MYO1H: variants seen among roughly 807,000 people sequenced by gnomAD.
The protein encoded by MYO1H is unconventional myosin-Ih.
A neutral mutation model predicts 149.3 loss-of-function variants in MYO1H; 118 were observed. The observed-to-expected ratio is 0.79, with a 90% CI of 0.68 to 0.92. MYO1H has a LOEUF of 0.92. MYO1H is among the 40% of genes least tolerant of loss of function. The probability of loss-of-function intolerance (pLI) is 0.00; values close to 1 mark genes in which losing one functional copy is unlikely to be tolerated. For synonymous variants in MYO1H, 447 were observed against 465.2 expected, an observed-to-expected ratio of 0.96 and a Z score of 0.50; for missense variants, 1,212 against 1,280.7, an observed-to-expected ratio of 0.95 and a Z score of 0.82.
chr12:109,422,161 G>A (rs2135574144), intron 16 of MYO1H, among the ~76,000 whole-genome samples: 1 of 152,302 alleles, frequency 6.6e-6, no homozygotes, highest in Admixed American at 6.5e-5. Flanking sequence ...TATTAAAATA[G>A]TTAACTGTTT....
chr12:109,317,754 C>T, the MYO1H span, among the ~76,000 whole-genome samples: 1 of 152,194 alleles, frequency 6.6e-6, no homozygotes, highest in African/African-American at 2.4e-5. Context: ...TTTGGGACAG[C>T]GTTGGACCAG....
chr12:109,319,821 C>T, the MYO1H span, among the ~76,000 whole-genome samples: 1 of 152,148 alleles, frequency 6.6e-6, no homozygotes, highest in African/African-American at 2.4e-5. Flanking sequence ...GCAAAACTAC[C>T]TCCAGATAAT....
At chr12:109,419,894 G>T (rs1871100679) in intron 15 of MYO1H, among the ~76,000 whole-genome samples, 1 of 151,064 alleles carries the variant, frequency 6.6e-6, no homozygotes, top group Non-Finnish European at 1.5e-5. Flanking sequence ...AAAAAAATCT[G>T]GTTTTGCCTT....
chr12:109,392,207 C>A (rs1437454147), intron 2 of MYO1H, among the ~76,000 whole-genome samples: 1 of 152,224 alleles, frequency 6.6e-6, no homozygotes, highest in African/African-American at 2.4e-5. Context: ...AACCCCAATT[C>A]CTCGTGGGAG....
At chr12:109,351,616 C>T (rs1188700407) in intron 1 of MYO1H, among the ~76,000 whole-genome samples, 1 of 152,186 alleles carries the variant, frequency 6.6e-6, no homozygotes. Flanking sequence ...ATGCCTTGCA[C>T]ACAGTAGATG....
intron 1 of MYO1H, among the ~76,000 whole-genome samples, chr12:109,378,213 G>A (rs1332849001): frequency 4.6e-5 from 7 of 152,208 alleles, no homozygotes; most frequent in Non-Finnish European, 1.0e-4. Context: ...ATACCTAAGA[G>A]TGGAACTGCT....
chr12:109,443,653 A>G lies in MYO1H; in HGVS notation c.2824+4A>G. The G allele has an allele frequency of 1.2e-6, 2 of 1,613,682 alleles. No individual in the cohort carries two copies. The highest frequency in any genetic ancestry group is 1.1e-5 in the South Asian group (1 of 91,022). On this transcript the variant is annotated splice_donor_region_variant and intron_variant, in intron 28 of 31. Transcript: ENST00000310903. ...ATAGAGTACTCAGCTCTCAAAGGTA[A>G]GAAGTGGGCAATCTTTAAAACAATG...
At position 109,411,600 on chromosome 12, in the gene MYO1H, C is replaced by T. The variant is rs115185393; in HGVS notation, c.1411-294C>T. Among the ~76,000 whole-genome samples, 4 of 106,732 alleles carry T rather than the reference C, an allele frequency of 3.7e-5. 1 individual carries two copies. Among genetic ancestry groups the T allele is most frequent in the South Asian group, 5.3e-4 (2 of 3,768 alleles). 70.0% of individuals were successfully genotyped at this position (106,732 alleles called of 152,430 possible). A position where few individuals can be genotyped will look rare whatever the true frequency, so the allele number is the denominator to read the frequency against. On this transcript the variant is annotated intron_variant, in intron 13 of 31. Transcript: ENST00000310903. ...TCAGTGATGACTGGTTTAGAGAAAA[C>T]GAGGTTGGTCATAGTAGCTGTGTGG...
intron 1 of MYO1H, among the ~76,000 whole-genome samples, chr12:109,369,767 A>G (rs938576009): frequency 3.5e-4 from 54 of 152,300 alleles, no homozygotes; most frequent in Middle Eastern, 3.4e-3. Context: ...TCACTTCTCC[A>G]TGACAAAATG....
chr12:109,337,550 T>A, the MYO1H span, among the ~76,000 whole-genome samples: 358 of 152,056 alleles, frequency 2.4e-3, 2 homozygotes, highest in African/African-American at 8.2e-3. Flanking sequence ...AGGCAAGAGA[T>A]CATGTGCAGG....
chr12:109,388,772 A>G, exon 2 of MYO1H: 2 of 1,613,158 alleles, frequency 1.2e-6, no homozygotes, highest in Non-Finnish European at 1.7e-6. Flanking sequence ...ATTTTGTGCT[A>G]TTGGACGCGT....
chr12:109,446,297 G>A (rs758593901), intron 31 of MYO1H: 674 of 982,674 alleles, frequency 6.9e-4, no homozygotes, highest in Non-Finnish European at 7.8e-4. Flanking sequence ...GCTAGTACAC[G>A]GAGCTTGTTT....
chr12:109,333,275 G>A, the MYO1H span, among the ~76,000 whole-genome samples: 1 of 151,980 alleles, frequency 6.6e-6, no homozygotes, highest in Non-Finnish European at 1.5e-5. Context: ...AGCTGAGACC[G>A]CACCATCGCA....
chr12:109,313,216 C>T, the MYO1H span, among the ~76,000 whole-genome samples: 1 of 152,236 alleles, frequency 6.6e-6, no homozygotes, highest in East Asian at 1.9e-4. Flanking sequence ...TACTGCACTC[C>T]AGCCTGGGCA....
At chr12:109,432,750 CGA>C (rs1871686804) in intron 19 of MYO1H, 145 bp from the exon 20 acceptor site, 9 of 633,822 alleles carry the variant, frequency 1.4e-5, no homozygotes, top group Middle Eastern at 4.3e-4. Context: ...TCTTTGAATT[CGA>C]GAAAGTTCGT....
At chr12:109,358,254 T>C (rs1336411043) in intron 1 of MYO1H, among the ~76,000 whole-genome samples, 1 of 152,124 alleles carries the variant, frequency 6.6e-6, no homozygotes, top group Non-Finnish European at 1.5e-5. Context: ...CAAGTCATTT[T>C]TTTAGAAATG....
At chr12:109,348,886 A>G (rs1218011767) in intron 1 of MYO1H, among the ~76,000 whole-genome samples, 1 of 152,240 alleles carries the variant, frequency 6.6e-6, no homozygotes, top group Non-Finnish European at 1.5e-5. Flanking sequence ...AGCCTCAGGC[A>G]CCATGAAGAA....
intron 1 of MYO1H, among the ~76,000 whole-genome samples, chr12:109,380,875 G>A (rs901196897): frequency 2.0e-5 from 3 of 152,146 alleles, no homozygotes; most frequent in African/African-American, 4.8e-5. Context: ...GAACCCGGGA[G>A]GCAGAGGTTG....
At chr12:109,430,546 T>C (rs1356142727) in intron 19 of MYO1H, among the ~76,000 whole-genome samples, 1 of 152,148 alleles carries the variant, frequency 6.6e-6, no homozygotes, top group African/African-American at 2.4e-5. Context: ...GAAGCACACA[T>C]CCTGCACCTT....
Sources: gnomAD v4.1 joint callset for allele counts (sites outside exome capture counted in the v4.1 genomes callset) on GRCh38, gnomAD v4.1.1 for gene constraint, MANE v1.5 for transcripts, NCBI Gene and HGNC (gene_info 2026-07-23, HGNC 2026-07-21) for gene names.